Variants in PPP1R7 observed in about 807,000 individuals in gnomAD.
PPP1R7 encodes the protein protein phosphatase 1 regulatory subunit 22.
Under a neutral mutation model 45.2 loss-of-function variants are expected in PPP1R7, and 18 were observed. That is an observed-to-expected ratio of 0.40 (90% CI 0.28 to 0.59). PPP1R7 has a LOEUF of 0.59. PPP1R7 is among the 20% of genes least tolerant of loss of function. PPP1R7 has a pLI of 0.46. For missense variants in PPP1R7, 314 were observed against 455.8 expected, an observed-to-expected ratio of 0.69 and a Z score of 2.83; for synonymous variants, 181 against 183.4, an observed-to-expected ratio of 0.99 and a Z score of 0.11.
At chr2:241,165,023 G>C (rs1693495547) in intron 7 of PPP1R7, among the ~76,000 whole-genome samples, 1 of 152,100 alleles carries the variant, frequency 6.6e-6, no homozygotes, top group Admixed American at 6.5e-5. Flanking sequence ...ACTCCAGCCT[G>C]GGTGACAGAG....
In PPP1R7 at chr2:241,153,546, C is replaced by A. The variant is rs781289662; in HGVS notation, c.123C>A (p.Ala41=). The A allele has an allele frequency of 8.1e-6, 13 of 1,614,146 alleles. No homozygotes were observed. In the South Asian group the frequency reaches 1.3e-4, roughly 16 times the overall value. Residue 41 remains alanine (A), a synonymous_variant, in exon 2 of 10, where the codon GCC becomes GCA. Coordinates refer to ENST00000234038, the MANE Select transcript of PPP1R7 (RefSeq NM_002712.3). ...EGKKHSSGIV[A]DLSEQSLKDG... The stretch of plus-strand genomic sequence containing the variant: ...AGAAACACAGCAGTGGCATCGTGGC[C>A]GACCTCAGTGAACAGAGCCTGAAGG...
intron 9 of PPP1R7, among the ~76,000 whole-genome samples, chr2:241,170,546 G>A (rs2067794677): frequency 6.6e-6 from 1 of 152,250 alleles, no homozygotes; most frequent in South Asian, 2.1e-4. Flanking sequence ...TGGCCCTGCA[G>A]AGACTGCGGC....
intron 5 of PPP1R7, 77 bp from the exon 6 acceptor site, chr2:241,160,255 T>G: frequency 1.2e-5 from 12 of 1,022,418 alleles, no homozygotes; most frequent in East Asian, 3.8e-5. Context: ...GGACGCCACC[T>G]TTAGTGGTTA....
intron 8 of PPP1R7, chr2:241,167,319 A>G: frequency 2.4e-6 from 1 of 409,998 alleles, no homozygotes; most frequent in East Asian, 3.6e-5. Context: ...CAACACCTGC[A>G]TAAAATTTTG....
In PPP1R7 at chr2:241,158,569, G is replaced by A; in HGVS notation, c.303+20G>A. On this transcript the variant is annotated intron_variant, in intron 4 of 9. Transcript: ENST00000234038. ...GTGAAGGTGAGAGGGACTCTTATGA[G>A]GGGACTATGACGCTCACCCATAGGA... 2 of 1,604,270 alleles carry A rather than the reference G, an allele frequency of 1.2e-6. No individual in the cohort carries two copies. The highest frequency in any genetic ancestry group is 1.7e-5 in the Admixed American group (1 of 60,020).
At chr2:241,158,412 C>T (rs1022199987) in intron 3 of PPP1R7, 72 bp from the exon 4 acceptor site, 2 of 1,473,292 alleles carry the variant, frequency 1.4e-6, no homozygotes, top group African/African-American at 1.4e-5. Context: ...ACTTCCAGGC[C>T]GCCTCTTCTA....
intron 1 of PPP1R7, among the ~76,000 whole-genome samples, chr2:241,151,816 C>T (rs1340387048): frequency 6.6e-6 from 1 of 152,216 alleles, no homozygotes; most frequent in Non-Finnish European, 1.5e-5. Context: ...ATACGTCCTC[C>T]ATTCCCATTG....
intron 7 of PPP1R7, among the ~76,000 whole-genome samples, chr2:241,165,911 A>AT (rs1358425658): frequency 1.4e-4 from 16 of 112,688 alleles, no homozygotes; most frequent in East Asian, 5.0e-4. Context: ...ATATATATAT[A>AT]TTTTTTTTTG....
At chr2:241,167,016 T>A in intron 8 of PPP1R7, 2 of 1,598,446 alleles carry the variant, frequency 1.3e-6, no homozygotes, top group Non-Finnish European at 1.7e-6. Flanking sequence ...TTCATGCTCC[T>A]CCCTCCCTCC....
chr2:241,168,541 C>T (rs893582749), intron 8 of PPP1R7, among the ~76,000 whole-genome samples: 9 of 152,208 alleles, frequency 5.9e-5, no homozygotes, highest in African/African-American at 2.2e-4. Flanking sequence ...TTCCTGCAGT[C>T]CTTTTTGCTC....
At chr2:241,151,954 C>T (rs1243321407) in intron 1 of PPP1R7, among the ~76,000 whole-genome samples, 1 of 152,252 alleles carries the variant, frequency 6.6e-6, no homozygotes, top group Non-Finnish European at 1.5e-5. Context: ...GTTCCAGACC[C>T]TCTCTGCTGC....
chr2:241,154,856 A>G (rs1431481292), intron 2 of PPP1R7, among the ~76,000 whole-genome samples: 1 of 152,256 alleles, frequency 6.6e-6, no homozygotes, highest in African/African-American at 2.4e-5. Context: ...CAGTGTATGA[A>G]TAATCATGCA....
At chr2:241,161,452 G>A (rs1255298167) in intron 6 of PPP1R7, among the ~76,000 whole-genome samples, 2 of 151,954 alleles carry the variant, frequency 1.3e-5, no homozygotes, top group Non-Finnish European at 2.9e-5. Flanking sequence ...GTCACTTGGA[G>A]TGAACTGATG....
intron 1 of PPP1R7, among the ~76,000 whole-genome samples, chr2:241,152,171 CT>C (rs770845032): frequency 1.3e-5 from 2 of 152,184 alleles, no homozygotes; most frequent in Non-Finnish European, 2.9e-5. Context: ...GCTCTTGTGC[CT>C]TTTCTAATTT....
At chr2:241,164,040 C>A (rs561871636) in intron 7 of PPP1R7, among the ~76,000 whole-genome samples, 2 of 152,252 alleles carry the variant, frequency 1.3e-5, no homozygotes, top group African/African-American at 4.8e-5. Context: ...CCTCAGCCTC[C>A]CAAGTAGCTG....
At chr2:241,169,730 A>C in intron 8 of PPP1R7, 51 bp from the exon 9 acceptor site, 1 of 1,487,694 alleles carries the variant, frequency 6.7e-7, no homozygotes, top group Non-Finnish European at 9.4e-7. Flanking sequence ...GGTCATGCAA[A>C]TCACTGTTGA....
At chr2:241,172,537 A>G (rs1280758068) in intron 9 of PPP1R7, among the ~76,000 whole-genome samples, 1 of 152,050 alleles carries the variant, frequency 6.6e-6, no homozygotes. Flanking sequence ...CAAGCTACTC[A>G]GGAGGCTAAG....
chr2:241,166,650 C>G (rs1189931195), intron 8 of PPP1R7, among the ~76,000 whole-genome samples: 1 of 152,208 alleles, frequency 6.6e-6, no homozygotes, highest in African/African-American at 2.4e-5. Context: ...GCCTGTTGGC[C>G]CTCTGCCCTG....
chr2:241,170,206 TG>T (rs1267023741), intron 9 of PPP1R7, among the ~76,000 whole-genome samples: 2 of 152,268 alleles, frequency 1.3e-5, no homozygotes, highest in Admixed American at 6.5e-5. Context: ...GATCTAGGTA[TG>T]GGTAGAACCT....
Sources: gnomAD v4.1 joint callset for allele counts (sites outside exome capture counted in the v4.1 genomes callset) on GRCh38, gnomAD v4.1.1 for gene constraint, MANE v1.5 for transcripts, NCBI Gene and HGNC (gene_info 2026-07-23, HGNC 2026-07-21) for gene names.